ZC4H2: variants seen among roughly 807,000 people sequenced by gnomAD.
ZC4H2 encodes the protein zinc finger C4H2 domain-containing protein.
For synonymous variants in ZC4H2, 84 were observed against 66.3 expected (o/e 1.27, Z -1.30); for missense variants, 137 against 173.9 (o/e 0.79, Z 1.19).
intron 1 of ZC4H2, among the ~76,000 whole-genome samples, chrX:64,946,585 A>G (rs941285567): frequency 3.0e-5 from 3 of 100,466 alleles, no homozygotes; most frequent in African/African-American, 7.2e-5. Context: ...ATGCGTGCAC[A>G]CACACACACA....
chrX:65,031,395 ATCT>A (rs1017577589), intron 1 of ZC4H2, among the ~76,000 whole-genome samples: 6 of 111,497 alleles, frequency 5.4e-5, no homozygotes, highest in Non-Finnish European at 9.4e-5. Context: ...ATCTGTTGAC[ATCT>A]TCTTCTATGA....
intron 1 of ZC4H2, among the ~76,000 whole-genome samples, chrX:64,967,201 T>G (rs1442954826): frequency 8.9e-6 from 1 of 111,752 alleles, no homozygotes; most frequent in Non-Finnish European, 1.9e-5. Flanking sequence ...TTGAGGTAGA[T>G]TGCCTTTACT....
rs781187974 is a variant in ZC4H2 at position 64,976,309 on chromosome X, A to G, written c.53+16T>C. On this transcript the variant is annotated intron_variant, in intron 1 of 4. Coordinates refer to ENST00000374839, the MANE Select transcript of ZC4H2 (RefSeq NM_018684.4). ...GGGTTGGAGAGGGGCGGGGAGGGGG[A>G]CAACGTGCCACTTACCTGATCTCTT... 7 of 1,207,415 alleles carry G rather than the reference A, an allele frequency of 5.8e-6. No individual in the cohort carries two copies. The East Asian group carries it at 1.8e-4, about 31-fold the overall frequency.
chrX:64,945,848 T>C (rs1326478382), intron 1 of ZC4H2, among the ~76,000 whole-genome samples: 2 of 111,050 alleles, frequency 1.8e-5, no homozygotes, highest in Non-Finnish European at 3.8e-5. Context: ...TTCCGCTAAG[T>C]CAGAACTTCC....
Position 64,917,659 on chromosome X carries a change from C to T in ZC4H2, c.*124G>A. ...GGAGCAAAGTGAGAGAGGGGTTGTG[C>T]TTCCATCACATTAAATAGGAGACTT... is the stretch of plus-strand genomic sequence containing the variant. On this transcript the variant is annotated 3_prime_UTR_variant, in exon 5 of 5. Transcript: ENST00000374839. 1 of 993,215 alleles carries T rather than the reference C, an allele frequency of 1.0e-6. No homozygotes were observed. The highest frequency in any genetic ancestry group is 1.4e-6 in the Non-Finnish European group (1 of 737,432). The allele number at this position is 993,215 out of a possible 1,213,427, so 81.9% of individuals were successfully genotyped here.
At chrX:64,946,298 G>A (rs759247942) in intron 1 of ZC4H2, among the ~76,000 whole-genome samples, 203 of 111,388 alleles carry the variant, frequency 1.8e-3, no homozygotes, top group African/African-American at 6.2e-3. Flanking sequence ...TAAGAAAAGC[G>A]TAGTATCTGG....
intron 1 of ZC4H2, among the ~76,000 whole-genome samples, chrX:64,937,484 A>G (rs931957889): frequency 7.1e-5 from 8 of 111,923 alleles, no homozygotes; most frequent in African/African-American, 1.9e-4. Flanking sequence ...AAGAATATAT[A>G]TTCTTCTCAG....
intron 1 of ZC4H2, among the ~76,000 whole-genome samples, chrX:64,943,038 G>GT (rs779642138): frequency 4.5e-5 from 5 of 111,868 alleles, no homozygotes; most frequent in Non-Finnish European, 3.8e-5. Context: ...GTGTGAGATG[G>GT]TATCTCATTG....
intron 3 of ZC4H2, 179 bp from the exon 4 acceptor site, chrX:64,919,383 G>A (rs1929079264): frequency 2.2e-6 from 1 of 464,906 alleles, no homozygotes; most frequent in Non-Finnish European, 3.5e-6. Context: ...TGATGAGAAG[G>A]GTAATCCTCT....
intron 1 of ZC4H2, among the ~76,000 whole-genome samples, chrX:64,948,913 A>G (rs1930664620): frequency 8.9e-6 from 1 of 112,307 alleles, no homozygotes; most frequent in South Asian, 3.7e-4. Flanking sequence ...GTTCGTAAAA[A>G]TTAATATTGT....
chrX:64,948,416 C>T (rs1292972192), intron 1 of ZC4H2, among the ~76,000 whole-genome samples: 1 of 111,483 alleles, frequency 9.0e-6, no homozygotes, highest in Admixed American at 9.6e-5. Context: ...CTTTGTTTCA[C>T]ATTTTTTTTT....
chrX:64,954,383 T>TAA (rs1931063494), intron 1 of ZC4H2, among the ~76,000 whole-genome samples: 1 of 74,876 alleles, frequency 1.3e-5, no homozygotes, highest in African/African-American at 1.0e-4. Context: ...ATTATATATA[T>TAA]TTATAATTAT....
At chrX:64,956,061 C>T (rs1456981004) in intron 1 of ZC4H2, among the ~76,000 whole-genome samples, 1 of 111,858 alleles carries the variant, frequency 8.9e-6, no homozygotes, top group East Asian at 2.8e-4. Flanking sequence ...GGCTCTATAG[C>T]AGATTTTACT....
chrX:65,033,328 A>T (rs749524697), intron 1 of ZC4H2, among the ~76,000 whole-genome samples: 1 of 112,328 alleles, frequency 8.9e-6, no homozygotes, highest in South Asian at 3.7e-4. Context: ...CTACATGTCA[A>T]TTCTCAGTGT....
intron 1 of ZC4H2, among the ~76,000 whole-genome samples, chrX:64,963,131 C>T (rs1226000310): frequency 9.0e-6 from 1 of 111,303 alleles, no homozygotes; most frequent in Non-Finnish European, 1.9e-5. Context: ...ATGAATCCAC[C>T]CACATACAGT....
At chrX:64,937,233 C>T (rs1227624084) in intron 1 of ZC4H2, among the ~76,000 whole-genome samples, 6 of 111,006 alleles carry the variant, frequency 5.4e-5, no homozygotes, top group Non-Finnish European at 7.5e-5. Flanking sequence ...ACAAGAGGAG[C>T]TAACTATTCT....
intron 1 of ZC4H2, among the ~76,000 whole-genome samples, chrX:64,984,721 T>A (rs949310290): frequency 8.9e-6 from 1 of 112,237 alleles, no homozygotes; most frequent in Admixed American, 9.4e-5. Flanking sequence ...ATCTTGTGGC[T>A]ACTTTGTTAG....
chrX:64,936,910 A>G (rs1288717955), intron 1 of ZC4H2, among the ~76,000 whole-genome samples: 1 of 111,906 alleles, frequency 8.9e-6, no homozygotes, highest in Non-Finnish European at 1.9e-5. Context: ...TCATATTCAC[A>G]CATAACAATA....
At chrX:65,010,674 G>A (rs1438679270) in intron 1 of ZC4H2, among the ~76,000 whole-genome samples, 1 of 111,626 alleles carries the variant, frequency 9.0e-6, no homozygotes, top group African/African-American at 3.3e-5. Context: ...TTTAGACTGA[G>A]TATGTCAGTA....
Sources: allele counts gnomAD v4.1 joint callset (sites outside exome capture counted in the v4.1 genomes callset), GRCh38; gene constraint gnomAD v4.1.1; transcripts MANE v1.5; gene names NCBI Gene and HGNC (gene_info 2026-07-23, HGNC 2026-07-21).